PIKFYVE: variants seen among roughly 807,000 people sequenced by gnomAD.
The protein encoded by PIKFYVE is 1-phosphatidylinositol 3-phosphate 5-kinase.
In PIKFYVE, 122 loss-of-function variants were observed where a neutral mutation model predicts 257.9. The observed-to-expected ratio is 0.47, with a 90% CI of 0.41 to 0.55. The LOEUF (loss-of-function observed/expected upper bound fraction) is 0.55, where lower values mean the gene tolerates loss of function less well. Among genes scored for constraint, PIKFYVE ranks in the 20% least tolerant of loss-of-function variants. The pLI is 0.00. For synonymous variants in PIKFYVE, 892 were observed against 868.9 expected (o/e 1.03, Z -0.47); for missense variants, 2,160 against 2,536.6 (o/e 0.85, Z 3.19).
chr2:208,343,187 T>C (rs1002876099), intron 32 of PIKFYVE, among the ~76,000 whole-genome samples: 5 of 152,228 alleles, frequency 3.3e-5, no homozygotes, highest in African/African-American at 1.2e-4. Context: ...TAAATTGACT[T>C]GGCAAGTTAT....
intron 17 of PIKFYVE, among the ~76,000 whole-genome samples, chr2:208,323,699 A>G (rs1696579211): frequency 2.0e-5 from 3 of 152,236 alleles, no homozygotes; most frequent in Admixed American, 2.0e-4. Context: ...GTCTTCCACA[A>G]TGTTGAACTA....
At chr2:208,302,454 T>C (rs2125333977) in intron 10 of PIKFYVE, 101 bp downstream of exon 10, 1 of 1,165,748 alleles carries the variant, frequency 8.6e-7, no homozygotes, top group East Asian at 2.6e-5. Flanking sequence ...AGATGATTTT[T>C]CTAACATTTT....
At chr2:208,334,991 T>C (rs975831169) in intron 24 of PIKFYVE, among the ~76,000 whole-genome samples, 2 of 152,000 alleles carry the variant, frequency 1.3e-5, no homozygotes, top group African/African-American at 4.8e-5. Flanking sequence ...TACAATTAGG[T>C]GTAGGTATTT....
Position 208,336,916 on chromosome 2 carries a change from GGAA to G in PIKFYVE, c.4603_4605del (p.Glu1535del), listed in dbSNP as rs1046598689. On this transcript the variant is annotated inframe_deletion, in exon 28 of 42. Transcript: ENST00000264380. The stretch of plus-strand genomic sequence containing the variant: ...CAAGTCCTGGAAGACTGAGACAAGG[GGAA>G]GAAAGCAAGGTATGAAATGTAGTCT... 3.7e-6 allele frequency: 6 copies of G among 1,610,644 alleles called. No homozygotes were observed. In the Admixed American group the frequency reaches 1.0e-4, roughly 27 times the overall value.
At chr2:208,307,626 A>G (rs1339830623) in intron 12 of PIKFYVE, among the ~76,000 whole-genome samples, 1 of 151,906 alleles carries the variant, frequency 6.6e-6, no homozygotes. Flanking sequence ...AAGCTGGCAA[A>G]ATGTAGAGAA....
intron 13 of PIKFYVE, among the ~76,000 whole-genome samples, chr2:208,313,779 C>T (rs1339069774): frequency 2.0e-5 from 3 of 152,078 alleles, no homozygotes; most frequent in Non-Finnish European, 2.9e-5. Context: ...GATGGAGTTT[C>T]GCCATGTTGG....
chr2:208,336,440 T>C (rs1698147738), intron 27 of PIKFYVE, among the ~76,000 whole-genome samples: 1 of 152,208 alleles, frequency 6.6e-6, no homozygotes, highest in Non-Finnish European at 1.5e-5. Flanking sequence ...GTTTCTAATA[T>C]AATTTGAAAC....
At position 208,326,145 on chromosome 2, in the gene PIKFYVE, G is replaced by T; in HGVS notation, c.3334G>T (p.Gly1112Ter). 6.2e-7 allele frequency: 1 copy of T among 1,614,074 alleles called. No homozygotes were observed. The highest frequency in any genetic ancestry group is 8.5e-7 in the Non-Finnish European group (1 of 1,180,014). ...RKKQLLRDLS[G>*]LQGMNGSIQA... Reference sequence around the variant, plus strand: ...GAAACAGCTGCTCAGGGATCTCTCTGGACTTCAGGGCATGAATGGAAGTAT... The same window carrying T: ...GAAACAGCTGCTCAGGGATCTCTCTTGACTTCAGGGCATGAATGGAAGTAT... The change falls in exon 20 of 42, where the codon GGA (glycine) becomes TGA (stop). Residue 1112 changes from glycine (G) to a stop codon, truncating the protein, a stop_gained. Transcript: ENST00000264380. LOFTEE classifies it high-confidence loss of function.
intron 12 of PIKFYVE, among the ~76,000 whole-genome samples, chr2:208,306,340 A>G (rs141371188): frequency 6.6e-6 from 1 of 152,302 alleles, no homozygotes; most frequent in Non-Finnish European, 1.5e-5. Context: ...TTAACTATAG[A>G]TGGTGGTCAC....
Position 208,336,677 on chromosome 2 carries a change from A to G in PIKFYVE, c.4521-161A>G, listed in dbSNP as rs566512683. 2.2e-4 allele frequency among the ~76,000 whole-genome samples: 34 copies of G among 152,140 alleles called. No homozygotes were observed. The South Asian group carries it at 6.8e-3, about 31-fold the overall frequency. On this transcript the variant is annotated intron_variant, in intron 27 of 41. Coordinates refer to ENST00000264380, the MANE Select transcript of PIKFYVE (RefSeq NM_015040.4). ...AACAAATGCTCCTGGTTAATTAGAT[A>G]TGACAAAAACTTACTCTTATTTATA...
intron 20 of PIKFYVE, among the ~76,000 whole-genome samples, chr2:208,327,386 G>A (rs1356772690): frequency 6.6e-6 from 1 of 151,950 alleles, no homozygotes; most frequent in Admixed American, 6.6e-5. Context: ...CTTATATAAG[G>A]GTGCTTGCAT....
chr2:208,311,380 A>G (rs534991404), intron 12 of PIKFYVE, among the ~76,000 whole-genome samples: 1 of 152,290 alleles, frequency 6.6e-6, no homozygotes, highest in African/African-American at 2.4e-5. Context: ...TGGAAGGATG[A>G]GCATATTGGC....
chr2:208,321,468 A>C (rs1277987208), intron 17 of PIKFYVE, among the ~76,000 whole-genome samples: 1 of 152,176 alleles, frequency 6.6e-6, no homozygotes, highest in Admixed American at 6.5e-5. Context: ...TTCTCTTTGG[A>C]ATTCAGCTGT....
chr2:208,290,885 T>G (rs1692224559), intron 7 of PIKFYVE, among the ~76,000 whole-genome samples: 1 of 152,206 alleles, frequency 6.6e-6, no homozygotes, highest in Admixed American at 6.5e-5. Context: ...CTATAATCAC[T>G]TACTAATTTC....
At chr2:208,293,839 C>A (rs1460314559) in intron 7 of PIKFYVE, among the ~76,000 whole-genome samples, 1 of 151,934 alleles carries the variant, frequency 6.6e-6, no homozygotes. Flanking sequence ...TTTTCAAGAT[C>A]TTTTTCTTTA....
At chr2:208,307,497 A>C (rs1694466562) in intron 12 of PIKFYVE, among the ~76,000 whole-genome samples, 1 of 152,190 alleles carries the variant, frequency 6.6e-6, no homozygotes, top group Non-Finnish European at 1.5e-5. Context: ...ATCTGGGATC[A>C]TGGAGCCAGA....
chr2:208,338,334 A>G (rs1471352994), intron 28 of PIKFYVE, among the ~76,000 whole-genome samples, 174 bp from the exon 29 acceptor site: 1 of 152,160 alleles, frequency 6.6e-6, no homozygotes, highest in East Asian at 1.9e-4. Flanking sequence ...CTAATAAGGT[A>G]AAAATTTCTA....
At position 208,285,937 on chromosome 2, in the gene PIKFYVE, T is replaced by C; in HGVS notation, c.821+4T>C. 6.2e-7 allele frequency: 1 copy of C among 1,612,390 alleles called. No individual in the cohort carries two copies. The highest frequency in any genetic ancestry group is 8.5e-7 in the Non-Finnish European group (1 of 1,178,554). On this transcript the variant is annotated splice_donor_region_variant and intron_variant, in intron 6 of 41. Coordinates refer to ENST00000264380, the MANE Select transcript of PIKFYVE (RefSeq NM_015040.4). Reference sequence around the variant, plus strand: ...AGGATGATTTGGCCTGGCAAAGGTATTGTCCCTTAAATATAATTTTATTTA... The same window carrying C: ...AGGATGATTTGGCCTGGCAAAGGTACTGTCCCTTAAATATAATTTTATTTA...
At chr2:208,295,823 C>T (rs752200693) in intron 7 of PIKFYVE, among the ~76,000 whole-genome samples, 3 of 152,302 alleles carry the variant, frequency 2.0e-5, no homozygotes, top group Non-Finnish European at 4.4e-5. Context: ...TACCCTATAT[C>T]TTACTAATCT....
Sources: gnomAD v4.1 joint callset for allele counts (sites outside exome capture counted in the v4.1 genomes callset) on GRCh38, gnomAD v4.1.1 for gene constraint, MANE v1.5 for transcripts, NCBI Gene and HGNC (gene_info 2026-07-23, HGNC 2026-07-21) for gene names.